Variants in INSR observed in about 807,000 individuals in gnomAD.
The protein encoded by INSR is insulin receptor, also known as IR.
In INSR, 67 loss-of-function variants were observed where a neutral mutation model predicts 142.6. The ratio of observed to expected loss-of-function variants is 0.47; its 90% confidence interval spans 0.39 to 0.58. The LOEUF (loss-of-function observed/expected upper bound fraction) is 0.58. Ranked by LOEUF, INSR falls within the 20% of genes least tolerant of loss-of-function variation. The pLI is 0.00. For missense variants in INSR, 1,248 were observed against 1,833.2 expected, an observed-to-expected ratio of 0.68 and a Z score of 5.83; for synonymous variants, 756 against 743.1, an observed-to-expected ratio of 1.02 and a Z score of -0.28.
At chr19:7,184,168 G>A in intron 3 of INSR, 148 bp downstream of exon 3, 1 of 701,060 alleles carries the variant, frequency 1.4e-6, no homozygotes, top group Non-Finnish European at 2.5e-6. Flanking sequence ...ACCAAAACAG[G>A]GTGCAAAAGT....
intron 11 of INSR, among the ~76,000 whole-genome samples, chr19:7,145,173 A>G (rs1221476380): frequency 6.6e-6 from 1 of 152,004 alleles, no homozygotes; most frequent in Non-Finnish European, 1.5e-5. Context: ...TTTATTCATT[A>G]AGGATATTAA....
At chr19:7,186,192 C>T (rs1442160081) in intron 2 of INSR, among the ~76,000 whole-genome samples, 1 of 152,050 alleles carries the variant, frequency 6.6e-6, no homozygotes, top group Non-Finnish European at 1.5e-5. Flanking sequence ...GAGACTCTGT[C>T]TCAAAACAAA....
chr19:7,195,884 C>T (rs542327280), intron 2 of INSR, among the ~76,000 whole-genome samples: 2 of 151,178 alleles, frequency 1.3e-5, no homozygotes, highest in African/African-American at 2.4e-5. Flanking sequence ...ATTTTGACAA[C>T]GGCACCAGTA....
At chr19:7,242,164 AAAG>A (rs965415324) in intron 2 of INSR, among the ~76,000 whole-genome samples, 18 of 151,254 alleles carry the variant, frequency 1.2e-4, no homozygotes, top group African/African-American at 4.1e-4. Context: ...AAAAAAAAAA[AAAG>A]AAGAAGGAGG....
At chr19:7,256,931 C>CTTTTTTT (rs772500676) in intron 2 of INSR, among the ~76,000 whole-genome samples, 11 of 109,476 alleles carry the variant, frequency 1.0e-4, no homozygotes, top group Non-Finnish European at 7.1e-5. Context: ...TCTACCCTAC[C>CTTTTTTT]TTTTTTTTTT....
chr19:7,183,015 C>T (rs1313376169), intron 3 of INSR, among the ~76,000 whole-genome samples: 1 of 150,944 alleles, frequency 6.6e-6, no homozygotes, highest in African/African-American at 2.4e-5. Flanking sequence ...AGGTTTTTAT[C>T]AACAACGAGC....
At position 7,163,123 on chromosome 19, in the gene INSR, G is replaced by A. The variant is rs747784256; in HGVS notation, c.1938C>T (p.Ser646=). The A allele has an allele frequency of 1.1e-5, 17 of 1,613,912 alleles. No homozygotes were observed. Among genetic ancestry groups the A allele is most frequent in the Middle Eastern group, 1.6e-4 (1 of 6,080 alleles). The change falls in exon 9 of 22, where the codon TCC becomes TCT. Residue 646 remains serine (S), a synonymous_variant. Coordinates refer to ENST00000302850, the MANE Select transcript of INSR (RefSeq NM_000208.4). The stretch of plus-strand genomic sequence containing the variant: ...AGTGGGTGATGTTGCCATTGGGGTC[G>A]GAGGGTGGTTTCCACTTCAGAATAA... ...SQIILKWKPP[S]DPNGNITHYL... is the part of the protein sequence containing the mutation.
chr19:7,143,269 T>A (rs1429307779), intron 11 of INSR, among the ~76,000 whole-genome samples, 179 bp from the exon 12 acceptor site: 1 of 152,210 alleles, frequency 6.6e-6, no homozygotes, highest in African/African-American at 2.4e-5. Flanking sequence ...CAGCTTTCAA[T>A]ATACCCTTGT....
chr19:7,256,931 C>CTTGT (rs1568222889), intron 2 of INSR, among the ~76,000 whole-genome samples: 2 of 109,474 alleles, frequency 1.8e-5, no homozygotes, highest in Non-Finnish European at 1.8e-5. Context: ...TCTACCCTAC[C>CTTGT]TTTTTTTTTT....
rs571744429 is a variant in INSR at position 7,158,404 on chromosome 19, C to G, written c.2029+4628G>C. On this transcript the variant is annotated intron_variant, in intron 9 of 21. Coordinates refer to ENST00000302850, the MANE Select transcript of INSR (RefSeq NM_000208.4). ...TAGTCCCAGCTACTCGGGAGGCTGA[C>G]GCAGGAGAATGGCGTGAACCCGGGA... Among the ~76,000 whole-genome samples the G allele has an allele frequency of 5.0e-3, 759 of 151,988 alleles. 1 individual carries two copies. The highest frequency in any genetic ancestry group is 0.011 in the South Asian group (53 of 4,816).
At chr19:7,147,176 T>C (rs1395137119) in intron 11 of INSR, among the ~76,000 whole-genome samples, 2 of 152,118 alleles carry the variant, frequency 1.3e-5, no homozygotes, top group African/African-American at 4.8e-5. Context: ...GTTTAACTTT[T>C]TAACTTTTTT....
intron 2 of INSR, among the ~76,000 whole-genome samples, chr19:7,212,928 C>G (rs574729813): frequency 6.6e-6 from 1 of 152,124 alleles, no homozygotes; most frequent in Admixed American, 6.6e-5. Flanking sequence ...CCTCTAGCAG[C>G]CCTCTCCAGC....
chr19:7,199,359 G>A (rs1358517283), intron 2 of INSR, among the ~76,000 whole-genome samples: 1 of 151,940 alleles, frequency 6.6e-6, no homozygotes, highest in Non-Finnish European at 1.5e-5. Context: ...AGAGGGTGTG[G>A]TATGGAGTTT....
At chr19:7,155,583 G>C (rs1376067093) in intron 9 of INSR, among the ~76,000 whole-genome samples, 1 of 145,788 alleles carries the variant, frequency 6.9e-6, no homozygotes, top group Non-Finnish European at 1.5e-5. Context: ...ATAGCTGGAA[G>C]GGGGTGAGAG....
At chr19:7,256,990 T>A (rs1456146181) in intron 2 of INSR, among the ~76,000 whole-genome samples, 1 of 145,916 alleles carries the variant, frequency 6.9e-6, no homozygotes, top group Admixed American at 7.0e-5. Context: ...ACACCCAGGC[T>A]GGAGTGCAGT....
At chr19:7,196,184 C>G (rs1241822724) in intron 2 of INSR, among the ~76,000 whole-genome samples, 1 of 152,162 alleles carries the variant, frequency 6.6e-6, no homozygotes, top group Non-Finnish European at 1.5e-5. Context: ...ATCCGCCCGC[C>G]TCAGCTTCCC....
chr19:7,169,849 C>T (rs914154882), intron 6 of INSR, among the ~76,000 whole-genome samples: 24 of 152,230 alleles, frequency 1.6e-4, no homozygotes, highest in African/African-American at 5.8e-4. Context: ...GCACAGTAAG[C>T]ATAGTGATAA....
chr19:7,184,283 C>T (rs749888193), intron 3 of INSR, 33 bp downstream of exon 3: 16 of 1,596,606 alleles, frequency 1.0e-5, no homozygotes, highest in East Asian at 2.2e-5. Flanking sequence ...CTTCTCCTCT[C>T]GGCTGCCCCC....
intron 13 of INSR, among the ~76,000 whole-genome samples, chr19:7,139,821 CTTTT>C (rs10673049): frequency 1.3e-3 from 156 of 115,726 alleles, no homozygotes; most frequent in African/African-American, 4.4e-3. Flanking sequence ...GTTGCGTATT[CTTTT>C]TTTTTTTTTT....
Sources: allele counts gnomAD v4.1 joint callset (sites outside exome capture counted in the v4.1 genomes callset), GRCh38; gene constraint gnomAD v4.1.1; transcripts MANE v1.5; gene names NCBI Gene and HGNC (gene_info 2026-07-23, HGNC 2026-07-21).